The following ADAM12 variants were observed in gnomAD, a reference collection of about 807,000 sequenced individuals.
The protein encoded by ADAM12 is ADAM metallopeptidase domain 12.
Under a neutral mutation model 106.4 loss-of-function variants are expected in ADAM12, and 70 were observed. The ratio of observed to expected loss-of-function variants is 0.66; its 90% CI spans 0.54 to 0.80. The LOEUF is 0.80. Among genes scored for constraint, ADAM12 ranks in the 30% least tolerant of loss-of-function variants. ADAM12 has a pLI of 0.00. For synonymous variants in ADAM12, 420 were observed against 433.5 expected, an observed-to-expected ratio of 0.97 and a Z score of 0.39; for missense variants, 1,010 against 1,171.9, an observed-to-expected ratio of 0.86 and a Z score of 2.02.
At position 126,038,357 on chromosome 10, in the gene ADAM12, A is replaced by G. The variant is rs1466197984; in HGVS notation, c.2241-8T>C. 1 of 1,570,666 alleles carries G rather than the reference A, an allele frequency of 6.4e-7. No homozygotes were observed. Among genetic ancestry groups the G allele is most frequent in the Non-Finnish European group, 8.6e-7 (1 of 1,156,834 alleles). Reference sequence around the variant, plus strand: ...CGGGAAGGGCGCACACACCTGCAACAGAATCCCATACCTGCTGACCAAGCG... The same window carrying G: ...CGGGAAGGGCGCACACACCTGCAACGGAATCCCATACCTGCTGACCAAGCG... On this transcript the variant is annotated splice_polypyrimidine_tract_variant and splice_region_variant and intron_variant, in intron 19 of 22. Coordinates refer to ENST00000448723, the MANE Select transcript of ADAM12 (RefSeq NM_001288973.2).
At chr10:126,115,537 C>T (rs574843940) in intron 6 of ADAM12, among the ~76,000 whole-genome samples, 2 of 152,132 alleles carry the variant, frequency 1.3e-5, no homozygotes, top group African/African-American at 4.8e-5. Context: ...GTAAAAATGA[C>T]AAACAATAGC....
intron 2 of ADAM12, among the ~76,000 whole-genome samples, chr10:126,281,165 A>G (rs1331485447): frequency 6.6e-6 from 1 of 152,196 alleles, no homozygotes; most frequent in Non-Finnish European, 1.5e-5. Flanking sequence ...AAGATTATTA[A>G]TTATATTTAC....
chr10:126,340,223 T>C (rs927849467), intron 1 of ADAM12, among the ~76,000 whole-genome samples: 8 of 152,206 alleles, frequency 5.3e-5, no homozygotes, highest in Non-Finnish European at 1.2e-4. Flanking sequence ...GAATGGATTG[T>C]ATAAAGCCTG....
At chr10:126,131,351 G>A (rs1956302160) in intron 5 of ADAM12, among the ~76,000 whole-genome samples, 1 of 152,044 alleles carries the variant, frequency 6.6e-6, no homozygotes. Context: ...CCTCCACTGA[G>A]CTTGGGAGAG....
chr10:126,321,790 AAGTT>A (rs1390113427), intron 2 of ADAM12, among the ~76,000 whole-genome samples: 1 of 151,950 alleles, frequency 6.6e-6, no homozygotes. Context: ...AGGGGAAAGA[AAGTT>A]AAAGATTTTT....
chr10:126,374,911 T>G (rs1023775107), intron 1 of ADAM12, among the ~76,000 whole-genome samples: 1 of 151,814 alleles, frequency 6.6e-6, no homozygotes, highest in Non-Finnish European at 1.5e-5. Context: ...GAACTACACA[T>G]ACACAAACAC....
chr10:126,272,233 T>C (rs11595022), intron 3 of ADAM12, among the ~76,000 whole-genome samples: 31,301 of 152,188 alleles, frequency 0.21, 3,576 homozygotes, highest in South Asian at 0.32. Context: ...AATTATACTG[T>C]CTGGTATTAA....
intron 3 of ADAM12, among the ~76,000 whole-genome samples, chr10:126,261,860 C>T (rs7922322): frequency 0.77 from 115,295 of 149,840 alleles, 45,078 homozygotes; most frequent in East Asian, 0.85. Flanking sequence ...TGGAGTGCAG[C>T]GGCGCGATCT....
At chr10:126,255,401 A>G (rs981404299) in intron 3 of ADAM12, among the ~76,000 whole-genome samples, 17 of 152,132 alleles carry the variant, frequency 1.1e-4, no homozygotes, top group Admixed American at 6.5e-5. Flanking sequence ...GTTCGCATTC[A>G]GTCCCAGCTT....
In ADAM12 at chr10:126,101,227, C is replaced by T; in HGVS notation, c.756G>A (p.Leu252=). 1 of 1,614,002 alleles carries T rather than the reference C, an allele frequency of 6.2e-7. No homozygotes were observed. The highest frequency in any genetic ancestry group is 8.5e-7 in the Non-Finnish European group (1 of 1,179,942). ...CGCCTACCAACACGATCCGAATGTTCAGTGGTCTGTAAAACTGGGCAAAAC... is the reference window on the plus strand; with the variant it reads ...CGCCTACCAACACGATCCGAATGTTTAGTGGTCTGTAAAACTGGGCAAAAC... ...ANHVDKFYRP[L]NIRIVLVGVE... is the part of the protein sequence containing the mutation. The change falls in exon 9 of 23, where the codon CTG becomes CTA. Residue 252 remains leucine, a synonymous_variant. Coordinates refer to ENST00000448723, the MANE Select transcript of ADAM12 (RefSeq NM_001288973.2).
At position 126,235,314 on chromosome 10, in the gene ADAM12, G is replaced by A. The variant is rs141960767; in HGVS notation, c.260+43601C>T. Among the ~76,000 whole-genome samples, 7 of 152,314 alleles carry A rather than the reference G, an allele frequency of 4.6e-5. No individual in the cohort carries two copies. In the East Asian group the frequency reaches 1.2e-3, roughly 25 times the overall value. ...GATGAACCTCAGGCCTGGGTGTGTC[G>A]GAGGAGGCTCCATTGCCTCCAGGCA... On this transcript the variant is annotated intron_variant, in intron 3 of 22. Coordinates refer to ENST00000448723, the MANE Select transcript of ADAM12 (RefSeq NM_001288973.2).
At chr10:126,121,065 TTAAA>T (rs1035654039) in intron 5 of ADAM12, among the ~76,000 whole-genome samples, 4 of 108,916 alleles carry the variant, frequency 3.7e-5, no homozygotes, top group Admixed American at 2.4e-4. Flanking sequence ...TGCAATATAA[TTAAA>T]TATATTATAT....
At chr10:126,054,214 C>T (rs1376182620) in intron 14 of ADAM12, among the ~76,000 whole-genome samples, 2 of 152,234 alleles carry the variant, frequency 1.3e-5, no homozygotes, top group African/African-American at 2.4e-5. Context: ...AACTGAACCA[C>T]CCACTCTATT....
intron 2 of ADAM12, among the ~76,000 whole-genome samples, chr10:126,303,554 T>G (rs1462232243): frequency 6.6e-6 from 1 of 152,206 alleles, no homozygotes; most frequent in Admixed American, 6.5e-5. Context: ...ACCCTATTCC[T>G]GGCTCTTGGG....
At chr10:126,185,325 G>C (rs1402765236) in intron 3 of ADAM12, among the ~76,000 whole-genome samples, 1 of 152,162 alleles carries the variant, frequency 6.6e-6, no homozygotes, top group Non-Finnish European at 1.5e-5. Context: ...TTCTTTTGTG[G>C]AATTTCTCTT....
chr10:126,280,438 T>C lies in ADAM12; in HGVS notation c.187-1450A>G, dbSNP rs955378003. ...TGAAATTTAAAAATTAGTTCACCAG[T>C]CATACTGGACACATTGCCAGACTCA... On this transcript the variant is annotated intron_variant, in intron 2 of 22. Coordinates refer to ENST00000448723, the MANE Select transcript of ADAM12 (RefSeq NM_001288973.2). Among the ~76,000 whole-genome samples the C allele has an allele frequency of 3.9e-5, 6 of 152,324 alleles. No homozygotes were observed. In the East Asian group the frequency reaches 5.8e-4, roughly 15 times the overall value.
rs190078741 is a variant in ADAM12 at position 126,075,262 on chromosome 10, C to A, written c.1146-3608G>T. The stretch of plus-strand genomic sequence containing the variant: ...CTTTCATGATTTCTCAGCAAGGAGG[C>A]AGGTGACTATTCACTCTGATAGGAT... On this transcript the variant is annotated intron_variant, in intron 11 of 22. Coordinates refer to ENST00000448723, the MANE Select transcript of ADAM12 (RefSeq NM_001288973.2). Among the ~76,000 whole-genome samples, 328 of 152,276 alleles carry A rather than the reference C, an allele frequency of 2.2e-3. 2 individuals are homozygous for A. The highest frequency in any genetic ancestry group is 6.8e-3 in the African/African-American group (281 of 41,548).
chr10:126,234,941 C>A (rs1426272063), intron 3 of ADAM12, among the ~76,000 whole-genome samples: 2 of 152,246 alleles, frequency 1.3e-5, no homozygotes, highest in African/African-American at 4.8e-5. Context: ...AGGCATCACA[C>A]TGCAGGCAGA....
At chr10:126,342,931 T>G (rs1457709478) in intron 1 of ADAM12, among the ~76,000 whole-genome samples, 1 of 152,178 alleles carries the variant, frequency 6.6e-6, no homozygotes, top group Non-Finnish European at 1.5e-5. Flanking sequence ...GGGTGGGGCA[T>G]GGGCAGGGTT....
Sources: allele counts gnomAD v4.1 joint callset (sites outside exome capture counted in the v4.1 genomes callset), GRCh38; gene constraint gnomAD v4.1.1; transcripts MANE v1.5; gene names NCBI Gene and HGNC (gene_info 2026-07-23, HGNC 2026-07-21).